The following TRPV3 variants were observed in gnomAD, a reference collection of about 807,000 sequenced individuals.
TRPV3 encodes the protein transient receptor potential cation channel subfamily V member 3, also known as VRL-3.
In TRPV3, 88 loss-of-function variants were observed where a neutral mutation model predicts 87.1. The observed-to-expected ratio is 1.01, with a 90% CI of 0.85 to 1.21. The LOEUF is 1.21. Ranked by LOEUF, TRPV3 falls within the 50% of genes most tolerant of loss-of-function variation. TRPV3 has a pLI of 0.00. For missense variants in TRPV3, 1,054 were observed against 1,030.1 expected (o/e 1.02, Z -0.32); for synonymous variants, 438 against 423.3 (o/e 1.03, Z -0.43).
At position 3,530,098 on chromosome 17, in the gene TRPV3, C is replaced by T. The variant is rs760281956; in HGVS notation, c.1171G>A (p.Asp391Asn). Residue 391 changes from aspartate to asparagine, a missense_variant, in exon 9 of 18, where the codon GAC becomes AAC. Transcript: ENST00000576742. This position sits in a 1 kb window ranked among gnomAD's most constrained non-coding sequence, Gnocchi z 4.0. ...AYGPVSSSLY[D>N]LTNVDTTTDN... The stretch of plus-strand genomic sequence containing the variant: ...GTGGTGGTGTCCACGTTGGTGAGGT[C>T]GTAGAGGGAGGATGACACGGGTCCG... 5.0e-6 allele frequency: 8 copies of T among 1,614,094 alleles called. No homozygotes were observed. Among genetic ancestry groups the T allele is most frequent in the East Asian group, 2.2e-5 (1 of 44,874 alleles).
rs377485480 is a variant in TRPV3, at chr17:3,528,041, C to T, written c.1487G>A (p.Cys496Tyr). The change falls in exon 11 of 18, where the codon TGC becomes TAC. Residue 496 changes from cysteine (C) to tyrosine (Y), a missense_variant. By Grantham distance (194) the Cys-to-Tyr change is radical (BLOSUM62 -2). Coordinates refer to ENST00000576742, the MANE Select transcript of TRPV3 (RefSeq NM_145068.4). This position sits in a 1 kb window ranked among gnomAD's most constrained non-coding sequence, Gnocchi z 4.2. Reference sequence around the variant, plus strand: ...CCCACTTACCTCTTTCACAGAGATGCACATGGCCCAGATGAGCACAAACAT... The same window carrying T: ...CCCACTTACCTCTTTCACAGAGATGTACATGGCCCAGATGAGCACAAACAT... ...GRMFVLIWAM[C>Y]ISVKEGIAIF... 1.5e-5 allele frequency: 24 copies of T among 1,613,460 alleles called. No individual in the cohort carries two copies. The highest frequency in any genetic ancestry group is 1.9e-5 in the Non-Finnish European group (23 of 1,179,924).
intron 6 of TRPV3, 122 bp from the exon 7 acceptor site, chr17:3,535,835 G>T (rs1365739991): frequency 2.6e-6 from 3 of 1,172,506 alleles, no homozygotes; most frequent in Non-Finnish European, 3.3e-6. Flanking sequence ...GGTCTGTGTC[G>T]CCAGCTACCA....
rs1041441376 is a variant in TRPV3, at chr17:3,510,931, G to A, written c.*2986C>T. On this transcript the variant is annotated 3_prime_UTR_variant, in exon 18 of 18. Transcript: ENST00000576742. ...CCAGCACCTTCTCCCACATCCCAGG[G>A]AGGAAGGTTAAGCACCTTTTATTCC... 2.0e-5 allele frequency: 3 copies of A among 152,276 alleles called. No homozygotes were observed. The highest frequency in any genetic ancestry group is 2.9e-5 in the Non-Finnish European group (2 of 68,054). 9.4% of individuals were successfully genotyped at this position (152,276 alleles called of 1,614,324 possible). A position where few individuals can be genotyped will look rare whatever the true frequency, so the allele number is the denominator to read the frequency against.
intron 14 of TRPV3, among the ~76,000 whole-genome samples, chr17:3,519,740 GGATGGATT>G (rs1367679540): frequency 4.6e-3 from 540 of 117,798 alleles, no homozygotes; most frequent in Non-Finnish European, 7.9e-3. Context: ...ATGGATGGAT[GGATGGATT>G]GATGGATGAA....
intron 5 of TRPV3, 54 bp from the exon 6 acceptor site, chr17:3,542,752 C>T (rs1362558908): frequency 3.2e-6 from 5 of 1,574,316 alleles, no homozygotes; most frequent in African/African-American, 1.3e-5. Context: ...GCCCTTGGCC[C>T]TCCCAGCCCA....
intron 11 of TRPV3, among the ~76,000 whole-genome samples, chr17:3,527,363 C>T (rs1306370845): frequency 6.6e-6 from 1 of 152,196 alleles, no homozygotes; most frequent in Non-Finnish European, 1.5e-5. Context: ...CTCTACCATT[C>T]CCTGTCCCCA....
intron 12 of TRPV3, among the ~76,000 whole-genome samples, chr17:3,524,690 G>T (rs1284092526): frequency 6.6e-6 from 1 of 151,876 alleles, no homozygotes; most frequent in Non-Finnish European, 1.5e-5. Flanking sequence ...TACCCACACG[G>T]GCCTGGTGTA....
In TRPV3 at chr17:3,528,973, A is replaced by G; in HGVS notation, c.1265T>C (p.Leu422Pro). 6.2e-7 allele frequency: 1 copy of G among 1,614,204 alleles called. No individual in the cohort carries two copies. Among genetic ancestry groups the G allele is most frequent in the Non-Finnish European group, 8.5e-7 (1 of 1,180,036 alleles). ...ATGCAGCAGCGTGTGCAGCGGCTCC[A>G]GGGTCAGCATCTCATGCCGGTTCTA... The part of the protein sequence containing the change: ...NIDNRHEMLT[L>P]EPLHTLLHMK... The change falls in exon 10 of 18, where the codon CTG becomes CCG. Residue 422 changes from leucine (L) to proline (P), a missense_variant. Transcript: ENST00000576742. The surrounding 1 kb of genome is among the most constrained non-coding windows in gnomAD (Gnocchi z 4.2).
chr17:3,535,931 C>T (rs919974948), intron 6 of TRPV3, among the ~76,000 whole-genome samples: 1 of 152,244 alleles, frequency 6.6e-6, no homozygotes, highest in Non-Finnish European at 1.5e-5. Flanking sequence ...GCTCCGGCCC[C>T]AGGCGCTGGG....
At chr17:3,527,907 C>T in intron 11 of TRPV3, 118 bp downstream of exon 11, 1 of 783,410 alleles carries the variant, frequency 1.3e-6, no homozygotes, top group Non-Finnish European at 2.2e-6. Context: ...AAAGGTAAGG[C>T]TTGGGAAGGA....
At chr17:3,545,316 G>A (rs779599155) in intron 2 of TRPV3, 45 bp from the exon 3 acceptor site, 5 of 1,406,258 alleles carry the variant, frequency 3.6e-6, no homozygotes, top group Non-Finnish European at 4.0e-6. Flanking sequence ...GCCAGGCAGA[G>A]CCTGTCTGCC....
chr17:3,547,830 G>A (rs374394863), intron 2 of TRPV3, among the ~76,000 whole-genome samples: 1 of 152,106 alleles, frequency 6.6e-6, no homozygotes. Context: ...AAGGAGAGAC[G>A]CTGGCCTATA....
Position 3,528,851 on chromosome 17 carries a change from G to A in TRPV3, c.1387C>T (p.Pro463Ser). ...ITLTLVSYYR[P>S]REEEAIPHPL... The stretch of plus-strand genomic sequence containing the variant: ...GGCCCACGTACCTCCTCCTCCCGGG[G>A]GCGGTAGTACGAGACGAGGGTCAGG... Residue 463 changes from proline to serine, a missense_variant, in exon 10 of 18, where the codon CCC becomes TCC. Transcript: ENST00000576742. This position sits in a 1 kb window ranked among gnomAD's most constrained non-coding sequence, Gnocchi z 4.2. 2 of 1,614,184 alleles carry A rather than the reference G, an allele frequency of 1.2e-6. No individual in the cohort carries two copies. Among genetic ancestry groups the A allele is most frequent in the South Asian group, 1.1e-5 (1 of 91,082 alleles).
intron 2 of TRPV3, among the ~76,000 whole-genome samples, chr17:3,547,397 G>C (rs1411641226): frequency 6.6e-6 from 1 of 152,192 alleles, no homozygotes; most frequent in Non-Finnish European, 1.5e-5. Context: ...GAGGCAGGAG[G>C]GTCACTTGAG....
intron 6 of TRPV3, among the ~76,000 whole-genome samples, chr17:3,536,083 G>C (rs1161656599): frequency 6.6e-6 from 1 of 152,200 alleles, no homozygotes; most frequent in African/African-American, 2.4e-5. Flanking sequence ...GAGAGCGTCA[G>C]GGGGCTTCCC....
chr17:3,513,943 C>A lies in TRPV3; in HGVS notation c.2347G>T (p.Glu783Ter), dbSNP rs949625071. The A allele has an allele frequency of 1.2e-6, 2 of 1,614,152 alleles. No homozygotes were observed. Among genetic ancestry groups the A allele is most frequent in the Non-Finnish European group, 1.7e-6 (2 of 1,180,008 alleles). Residue 783 changes from glutamate (E) to a stop codon, truncating the protein, a stop_gained, in exon 18 of 18, where the codon GAG becomes TAG. Coordinates refer to ENST00000576742, the MANE Select transcript of TRPV3 (RefSeq NM_145068.4). LOFTEE classifies it high-confidence loss of function. The part of the protein sequence containing the change: ...KTTLNAFEEV[E>*]EFPETSV Reference sequence around the variant, plus strand: ...TACACCGAGGTTTCCGGGAATTCCTCGACTTCTTCAAATGCATTGAGAGTG... The same window carrying A: ...TACACCGAGGTTTCCGGGAATTCCTAGACTTCTTCAAATGCATTGAGAGTG...
intron 6 of TRPV3, among the ~76,000 whole-genome samples, chr17:3,539,888 G>A (rs2074443150): frequency 1.3e-5 from 2 of 152,102 alleles, no homozygotes; most frequent in Admixed American, 1.3e-4. Flanking sequence ...TAGCAGCATA[G>A]GGAGGAAATA....
Position 3,514,534 on chromosome 17 carries a change from C to T in TRPV3, c.2278+59G>A, listed in dbSNP as rs766201838. 8.5e-6 allele frequency: 11 copies of T among 1,292,992 alleles called. No homozygotes were observed. In the South Asian group the frequency reaches 1.3e-4, roughly 15 times the overall value. 80.1% of individuals were successfully genotyped at this position (1,292,992 alleles called of 1,614,324 possible). On this transcript the variant is annotated intron_variant, in intron 17 of 17. Coordinates refer to ENST00000576742, the MANE Select transcript of TRPV3 (RefSeq NM_145068.4). ...AGTCAGGACCCTTAGACTTGATCTG[C>T]CCAAGGTTACATGGTCTGAGACAGG... is the stretch of plus-strand genomic sequence containing the variant.
intron 7 of TRPV3, 126 bp from the exon 8 acceptor site, chr17:3,533,063 C>T: frequency 9.2e-7 from 1 of 1,083,674 alleles, no homozygotes; most frequent in South Asian, 1.5e-5. Context: ...AGCCCTCTCC[C>T]CATCTTCCGC....
Sources: gnomAD v4.1 joint callset for allele counts (sites outside exome capture counted in the v4.1 genomes callset) on GRCh38, gnomAD v4.1.1 for gene constraint, Gnocchi (gnomAD v3.1) non-coding constraint, MANE v1.5 for transcripts, NCBI Gene and HGNC (gene_info 2026-07-23, HGNC 2026-07-21) for gene names.